CNTN4: variants seen among roughly 807,000 people sequenced by gnomAD.
CNTN4 encodes contactin 4, also known as contactin-4.
CNTN4 carries 77 observed loss-of-function variants against 122.5 expected under a neutral mutation model. The observed-to-expected ratio is 0.63, with a 90% CI of 0.52 to 0.76. CNTN4 has a LOEUF of 0.76. Ranked by LOEUF, CNTN4 falls within the 30% of genes least tolerant of loss-of-function variation. The pLI, the probability that CNTN4 is intolerant of heterozygous loss-of-function variation, is 0.00. For synonymous variants in CNTN4, 512 were observed against 447.0 expected (o/e 1.15, Z -1.83); for missense variants, 1,256 against 1,259.1 (o/e 1.00, Z 0.04).
At chr3:2,292,480 T>G (rs113055552) in intron 2 of CNTN4, among the ~76,000 whole-genome samples, 1 of 152,226 alleles carries the variant, frequency 6.6e-6, no homozygotes, top group Non-Finnish European at 1.5e-5. Flanking sequence ...AAGTGTACAA[T>G]GTGTTAACTT....
intron 4 of CNTN4, among the ~76,000 whole-genome samples, chr3:2,670,406 G>A (rs1441183946): frequency 2.6e-5 from 4 of 152,102 alleles, no homozygotes; most frequent in Admixed American, 1.3e-4. Flanking sequence ...CAGAGACTAG[G>A]ATTGCAACCC....
chr3:2,461,260 G>A (rs985267101), intron 3 of CNTN4, among the ~76,000 whole-genome samples: 3 of 152,024 alleles, frequency 2.0e-5, no homozygotes, highest in Non-Finnish European at 4.4e-5. Context: ...ATCTAGAAAT[G>A]TTAGTAGTTA....
At chr3:2,827,817 C>T (rs559463356) in intron 7 of CNTN4, among the ~76,000 whole-genome samples, 3 of 152,086 alleles carry the variant, frequency 2.0e-5, no homozygotes, top group Admixed American at 6.6e-5. Context: ...TAGACTTAGG[C>T]GGATGCAGGA....
chr3:3,028,681 G>A (rs55955387), intron 15 of CNTN4, among the ~76,000 whole-genome samples: 14,813 of 152,012 alleles, frequency 0.097, 846 homozygotes, highest in African/African-American at 0.14. Flanking sequence ...ACCTGTATTC[G>A]AAGTCCCCAT....
At chr3:2,985,509 A>G (rs1277496146) in intron 13 of CNTN4, 1 of 152,688 alleles carries the variant, frequency 6.5e-6, no homozygotes, top group South Asian at 2.1e-4. Flanking sequence ...TTTGCAAAAT[A>G]TAATGACCCG....
intron 4 of CNTN4, among the ~76,000 whole-genome samples, chr3:2,584,475 G>A (rs1312794785): frequency 6.6e-6 from 1 of 152,060 alleles, no homozygotes. Flanking sequence ...AGGCTGAGGC[G>A]GGCGGATCAC....
At chr3:2,849,062 G>T (rs1455850053) in intron 7 of CNTN4, among the ~76,000 whole-genome samples, 1 of 152,176 alleles carries the variant, frequency 6.6e-6, no homozygotes, top group East Asian at 1.9e-4. Flanking sequence ...TGCACCCCAG[G>T]ATCCCATCCC....
intron 2 of CNTN4, among the ~76,000 whole-genome samples, chr3:2,181,175 G>GA (rs1336677763): frequency 1.3e-5 from 2 of 151,872 alleles, no homozygotes; most frequent in African/African-American, 4.8e-5. Context: ...ATGCATTATT[G>GA]AAAAAAATAT....
intron 13 of CNTN4, among the ~76,000 whole-genome samples, chr3:2,981,386 G>A (rs1448501407): frequency 6.6e-6 from 1 of 151,996 alleles, no homozygotes; most frequent in Non-Finnish European, 1.5e-5. Context: ...GGAGCTTGCA[G>A]TGAGCCGAGA....
intron 4 of CNTN4, among the ~76,000 whole-genome samples, chr3:2,630,081 G>A (rs2082364460): frequency 6.6e-6 from 1 of 152,144 alleles, no homozygotes; most frequent in Non-Finnish European, 1.5e-5. Context: ...TGTTATCTAT[G>A]ACTGTTATCA....
At chr3:2,146,573 T>C (rs1336773335) in intron 2 of CNTN4, among the ~76,000 whole-genome samples, 2 of 152,180 alleles carry the variant, frequency 1.3e-5, no homozygotes, top group African/African-American at 2.4e-5. Context: ...TTTTACATTT[T>C]ATCCCATTGT....
chr3:2,369,524 A>G (rs925482096), intron 3 of CNTN4, among the ~76,000 whole-genome samples: 12 of 152,228 alleles, frequency 7.9e-5, no homozygotes, highest in Non-Finnish European at 1.5e-4. Context: ...TGCAGCAATT[A>G]TGAAAGTTGC....
intron 6 of CNTN4, among the ~76,000 whole-genome samples, chr3:2,759,581 C>G (rs1228183948): frequency 6.6e-6 from 1 of 152,030 alleles, no homozygotes; most frequent in African/African-American, 2.4e-5. Context: ...CTGCTATGAA[C>G]ATTCATATAC....
At chr3:2,122,051 A>G (rs547400524) in intron 2 of CNTN4, among the ~76,000 whole-genome samples, 1 of 151,698 alleles carries the variant, frequency 6.6e-6, no homozygotes, top group Non-Finnish European at 1.5e-5. Flanking sequence ...GCTACTCGGG[A>G]GGCTGAGGCA....
rs1039361049 is a variant in CNTN4, at chr3:2,542,940, C to T, written c.-88-28476C>T. Among the ~76,000 whole-genome samples the T allele has an allele frequency of 4.6e-5, 7 of 152,026 alleles. No individual in the cohort carries two copies. The South Asian group carries it at 6.2e-4, about 14-fold the overall frequency. On this transcript the variant is annotated intron_variant, in intron 3 of 24. Transcript: ENST00000418658. ...GGCCTTGAAAAGAAACATTTCCACC[C>T]ATTATGTTACCACTATATTGAACAT...
chr3:2,191,884 C>T (rs1044967924), intron 2 of CNTN4, among the ~76,000 whole-genome samples: 5 of 152,036 alleles, frequency 3.3e-5, no homozygotes, highest in Non-Finnish European at 5.9e-5. Flanking sequence ...CCCCCCTCCC[C>T]CCACTCCACA....
At chr3:2,134,789 C>A (rs896647742) in intron 2 of CNTN4, among the ~76,000 whole-genome samples, 6 of 152,152 alleles carry the variant, frequency 3.9e-5, no homozygotes, top group African/African-American at 1.2e-4. Flanking sequence ...CCAGCTTATG[C>A]GGCAGTCATG....
chr3:2,777,958 T>G (rs1338141250), intron 6 of CNTN4, among the ~76,000 whole-genome samples: 1 of 152,112 alleles, frequency 6.6e-6, no homozygotes, highest in Non-Finnish European at 1.5e-5. Context: ...CTCATGCCTG[T>G]AATGCCAGCA....
chr3:2,897,821 A>G (rs2094131492), intron 10 of CNTN4, among the ~76,000 whole-genome samples: 2 of 152,192 alleles, frequency 1.3e-5, no homozygotes, highest in Non-Finnish European at 2.9e-5. Context: ...AGAGCATTTC[A>G]GATTTTAGAT....
Sources: allele counts gnomAD v4.1 joint callset (sites outside exome capture counted in the v4.1 genomes callset), GRCh38; gene constraint gnomAD v4.1.1; transcripts MANE v1.5; gene names NCBI Gene and HGNC (gene_info 2026-07-23, HGNC 2026-07-21).